The following CD86 variants were observed in gnomAD, a reference collection of about 807,000 sequenced individuals.
CD86 encodes the protein T-lymphocyte activation antigen CD86.
CD86 carries 11 observed loss-of-function variants against 32.1 expected under a neutral mutation model. The observed-to-expected ratio is 0.34, with a 90% CI of 0.22 to 0.57. The LOEUF (loss-of-function observed/expected upper bound fraction) is 0.57. CD86 is among the 20% of genes least tolerant of loss of function. The pLI is 0.86. For synonymous variants in CD86, 137 were observed against 135.3 expected, an observed-to-expected ratio of 1.01 and a Z score of -0.09; for missense variants, 359 against 398.4, an observed-to-expected ratio of 0.90 and a Z score of 0.84.
At chr3:122,055,620 C>T in intron 1 of CD86, 117 bp downstream of exon 1, 3 of 912,084 alleles carry the variant, frequency 3.3e-6, no homozygotes, top group Non-Finnish European at 5.3e-6. Context: ...AGTGGAGAAG[C>T]TTTCTTTTTC....
At chr3:122,062,134 T>TA (rs563795313) in intron 1 of CD86, among the ~76,000 whole-genome samples, 250 of 151,576 alleles carry the variant, frequency 1.6e-3, no homozygotes, top group African/African-American at 5.7e-3. Flanking sequence ...CACTAAATAT[T>TA]AAAAAAAATG....
intron 1 of CD86, among the ~76,000 whole-genome samples, chr3:122,083,697 G>A (rs964070195): frequency 2.6e-5 from 4 of 152,184 alleles, no homozygotes; most frequent in Non-Finnish European, 2.9e-5. Flanking sequence ...ATCTGGAGAT[G>A]CACTGTCCAG....
chr3:122,058,642 G>A (rs1464552903), intron 1 of CD86, among the ~76,000 whole-genome samples: 1 of 152,082 alleles, frequency 6.6e-6, no homozygotes, highest in African/African-American at 2.4e-5. Flanking sequence ...AGAGAAAGAA[G>A]CTGGGTGGGG....
chr3:122,118,464 GATAAC>G (rs2073291311), intron 6 of CD86, among the ~76,000 whole-genome samples: 1 of 152,236 alleles, frequency 6.6e-6, no homozygotes, highest in Admixed American at 6.5e-5. Context: ...AGTGGGGAAT[GATAAC>G]ATGTTTGCTT....
chr3:122,069,226 C>G (rs747977005), intron 1 of CD86, among the ~76,000 whole-genome samples: 1 of 151,636 alleles, frequency 6.6e-6, no homozygotes, highest in African/African-American at 2.4e-5. Flanking sequence ...AAGACCAGTC[C>G]AAGGCCTTCA....
chr3:122,105,855 G>C (rs529087835), intron 3 of CD86, among the ~76,000 whole-genome samples: 2 of 152,122 alleles, frequency 1.3e-5, no homozygotes, highest in African/African-American at 4.8e-5. Flanking sequence ...GGACACCTGG[G>C]CCCTAGAGTC....
chr3:122,085,307 T>C (rs931169152), intron 1 of CD86, among the ~76,000 whole-genome samples: 5 of 152,222 alleles, frequency 3.3e-5, no homozygotes, highest in Non-Finnish European at 5.9e-5. Context: ...TATTTTGTAG[T>C]TCAGAAACTT....
intron 1 of CD86, among the ~76,000 whole-genome samples, chr3:122,089,807 T>C (rs923024223): frequency 9.2e-5 from 14 of 152,346 alleles, no homozygotes; most frequent in East Asian, 5.8e-4. Flanking sequence ...TGGAAATATA[T>C]ATATATTATT....
chr3:122,066,950 T>A (rs1264634826), intron 1 of CD86, among the ~76,000 whole-genome samples: 1 of 152,082 alleles, frequency 6.6e-6, no homozygotes, highest in Non-Finnish European at 1.5e-5. Flanking sequence ...TGGCATGATC[T>A]AGATCTGCAA....
intron 1 of CD86, among the ~76,000 whole-genome samples, chr3:122,088,106 C>T (rs1206649821): frequency 1.3e-5 from 2 of 151,048 alleles, no homozygotes; most frequent in South Asian, 2.1e-4. Flanking sequence ...TTGGTTAGGT[C>T]GAACATAATG....
chr3:122,108,981 C>T (rs1031385507), intron 4 of CD86, among the ~76,000 whole-genome samples: 1 of 152,152 alleles, frequency 6.6e-6, no homozygotes. Flanking sequence ...GAATCACGGG[C>T]CAGGCTGACC....
chr3:122,060,940 C>A (rs1277223379), intron 1 of CD86, among the ~76,000 whole-genome samples: 3 of 151,958 alleles, frequency 2.0e-5, no homozygotes, highest in Non-Finnish European at 2.9e-5. Context: ...GGAAAAAAAA[C>A]CCATTAGAGT....
chr3:122,071,972 ATGCGGTGTTTGGTTTTTTGTCCT>A (rs1170581477), intron 1 of CD86, among the ~76,000 whole-genome samples: 1 of 147,414 alleles, frequency 6.8e-6, no homozygotes, highest in African/African-American at 2.5e-5. Flanking sequence ...GAGTGAGAAC[ATGCGGTGTTTGGTTTTTTGTCCT>A]TGCGGTAGTT....
At chr3:122,058,588 T>A (rs752339139) in intron 1 of CD86, among the ~76,000 whole-genome samples, 4 of 152,028 alleles carry the variant, frequency 2.6e-5, no homozygotes, top group Non-Finnish European at 5.9e-5. Flanking sequence ...CATGGGGGAA[T>A]TTTAAGTATA....
intron 1 of CD86, among the ~76,000 whole-genome samples, chr3:122,077,100 T>C (rs1241259321): frequency 6.6e-6 from 1 of 152,178 alleles, no homozygotes; most frequent in African/African-American, 2.4e-5. Flanking sequence ...GCTGCTTCTC[T>C]CTTTTGAAGC....
intron 2 of CD86, among the ~76,000 whole-genome samples, chr3:122,101,509 A>ATATATATATATAT (rs1436647275): frequency 7.0e-5 from 4 of 56,998 alleles, no homozygotes; most frequent in African/African-American, 2.5e-4. Context: ...AAAAAAAAAA[A>ATATATATATATAT]AAAAATATAT....
chr3:122,055,385 A>T lies in CD86; in HGVS notation c.-105A>T. ...ACAGTCATTGCCGAGGAAGGCTTGC[A>T]CAGGGTGAAAGCTTTGCTTCTCTGC... On this transcript the variant is annotated 5_prime_UTR_variant, in exon 1 of 7. Coordinates refer to ENST00000330540, the MANE Select transcript of CD86 (RefSeq NM_175862.5). The T allele has an allele frequency of 8.8e-7, 1 of 1,135,268 alleles. No individual in the cohort carries two copies. The highest frequency in any genetic ancestry group is 1.3e-5 in the South Asian group (1 of 79,174). 70.3% of individuals were successfully genotyped at this position (1,135,268 alleles called of 1,614,324 possible).
intron 1 of CD86, among the ~76,000 whole-genome samples, chr3:122,089,773 G>A (rs964942324): frequency 3.9e-5 from 6 of 152,250 alleles, no homozygotes; most frequent in South Asian, 2.1e-4. Context: ...TGGAAACAAC[G>A]TTAAGTATCC....
intron 6 of CD86, among the ~76,000 whole-genome samples, chr3:122,118,710 T>A (rs1443359281): frequency 2.0e-5 from 3 of 152,228 alleles, no homozygotes; most frequent in Non-Finnish European, 4.4e-5. Flanking sequence ...TAAACTAGAC[T>A]TAACTAAATC....
Sources: gnomAD v4.1 joint callset for allele counts (sites outside exome capture counted in the v4.1 genomes callset) on GRCh38, gnomAD v4.1.1 for gene constraint, MANE v1.5 for transcripts, NCBI Gene and HGNC (gene_info 2026-07-23, HGNC 2026-07-21) for gene names.